The following PDE4D variants were observed in gnomAD, a reference collection of about 807,000 sequenced individuals.
PDE4D encodes phosphodiesterase 4D.
In PDE4D, 24 loss-of-function variants were observed where a neutral mutation model predicts 87.4. The ratio of observed to expected loss-of-function variants is 0.27; its 90% confidence interval spans 0.20 to 0.39. The LOEUF (loss-of-function observed/expected upper bound fraction) is 0.39. Among genes scored for constraint, PDE4D ranks in the 10% least tolerant of loss-of-function variants. PDE4D has a pLI of 1.00. For synonymous variants in PDE4D, 384 were observed against 383.2 expected (o/e 1.00, Z -0.02); for missense variants, 714 against 1,041.0 (o/e 0.69, Z 4.32).
intron 1 of PDE4D, among the ~76,000 whole-genome samples, chr5:59,758,050 A>G (rs1761501929): frequency 6.6e-6 from 1 of 152,186 alleles, no homozygotes. Flanking sequence ...TTCAATACAC[A>G]TGCAGGGTAG....
chr5:59,387,900 C>A (rs570175305), intron 1 of PDE4D, among the ~76,000 whole-genome samples: 1 of 152,146 alleles, frequency 6.6e-6, no homozygotes, highest in South Asian at 2.1e-4. Context: ...CTTATTCCTC[C>A]TGTTTAACTG....
At chr5:59,936,758 G>A (rs1756627069) in intron 3 of PDE4D, among the ~76,000 whole-genome samples, 1 of 152,166 alleles carries the variant, frequency 6.6e-6, no homozygotes, top group South Asian at 2.1e-4. Flanking sequence ...CTTAGAATCT[G>A]TAATGTAACA....
intron 1 of PDE4D, among the ~76,000 whole-genome samples, chr5:59,312,635 T>A (rs1772922340): frequency 2.0e-5 from 3 of 152,142 alleles, no homozygotes. Flanking sequence ...GAGGGACTAG[T>A]CCTAAAGGAC....
At chr5:59,825,233 A>G (rs1561722461) in intron 1 of PDE4D, among the ~76,000 whole-genome samples, 1 of 152,208 alleles carries the variant, frequency 6.6e-6, no homozygotes, top group East Asian at 1.9e-4. Context: ...AAAATAAAAA[A>G]TATCTTTATT....
At chr5:60,307,994 T>A (rs761717383) in intron 1 of PDE4D, among the ~76,000 whole-genome samples, 1 of 152,134 alleles carries the variant, frequency 6.6e-6, no homozygotes, top group Non-Finnish European at 1.5e-5. Flanking sequence ...TGAGCCGAGA[T>A]AGCACCATTG....
intron 1 of PDE4D, among the ~76,000 whole-genome samples, chr5:59,526,230 ACAATGAGG>A (rs1346860094): frequency 6.6e-6 from 1 of 152,218 alleles, no homozygotes; most frequent in Non-Finnish European, 1.5e-5. Flanking sequence ...AGTGCAAACC[ACAATGAGG>A]CAATGAGGAG....
At chr5:59,802,329 A>C (rs1217576383) in intron 1 of PDE4D, among the ~76,000 whole-genome samples, 6 of 152,056 alleles carry the variant, frequency 3.9e-5, no homozygotes, top group African/African-American at 1.4e-4. Context: ...TGAAGCAGGA[A>C]AGTAATGCCC....
intron 1 of PDE4D, among the ~76,000 whole-genome samples, chr5:59,455,395 G>A (rs1799761765): frequency 6.6e-6 from 1 of 152,220 alleles, no homozygotes; most frequent in African/African-American, 2.4e-5. Flanking sequence ...CCCAAGCTTG[G>A]CAACTTCCAT....
intron 6 of PDE4D, among the ~76,000 whole-genome samples, chr5:59,035,845 A>G (rs1758414699): frequency 6.6e-6 from 1 of 152,208 alleles, no homozygotes; most frequent in African/African-American, 2.4e-5. Flanking sequence ...TCTCAGGCAG[A>G]TTAATGTGCT....
At chr5:59,703,393 T>G (rs1257814538) in intron 1 of PDE4D, among the ~76,000 whole-genome samples, 1 of 152,192 alleles carries the variant, frequency 6.6e-6, no homozygotes, top group Non-Finnish European at 1.5e-5. Context: ...ATAATTAACA[T>G]GTGGTTAGTA....
At chr5:60,406,084 T>C (rs1255407257) in intron 1 of PDE4D, among the ~76,000 whole-genome samples, 2 of 151,942 alleles carry the variant, frequency 1.3e-5, no homozygotes, top group East Asian at 1.9e-4. Flanking sequence ...ATTCTCATCA[T>C]TGGAAAAAAA....
At chr5:59,535,075 G>C (rs1239556703) in intron 1 of PDE4D, among the ~76,000 whole-genome samples, 1 of 117,900 alleles carries the variant, frequency 8.5e-6, no homozygotes, top group African/African-American at 3.4e-5. Flanking sequence ...GTGTGTGTGT[G>C]TGGGGGGGGG....
chr5:58,973,487 T>G lies in PDE4D; in HGVS notation c.*1177A>C, dbSNP rs541604095. The G allele has an allele frequency of 6.5e-6, 1 of 152,744 alleles. No homozygotes were observed. Among genetic ancestry groups the G allele is most frequent in the East Asian group, 1.9e-4 (1 of 5,188 alleles). The allele number at this position is 152,744 out of a possible 1,614,324, so 9.5% of individuals were successfully genotyped here. A position where few individuals can be genotyped will look rare whatever the true frequency, so the allele number is the denominator to read the frequency against. ...TTAGAGCATGAAATGTGTGGATTAT[T>G]AGAAAGACATGCACTTGTGAAATGA... On this transcript the variant is annotated 3_prime_UTR_variant, in exon 15 of 15. Transcript: ENST00000340635.
At chr5:59,965,769 G>GT (rs1759974502) in intron 3 of PDE4D, among the ~76,000 whole-genome samples, 1 of 152,116 alleles carries the variant, frequency 6.6e-6, no homozygotes, top group African/African-American at 2.4e-5. Context: ...GCTTGGCAAA[G>GT]TTTTTCTGTA....
intron 2 of PDE4D, among the ~76,000 whole-genome samples, chr5:60,152,927 G>T (rs1236489368): frequency 6.6e-6 from 1 of 152,050 alleles, no homozygotes; most frequent in East Asian, 1.9e-4. Context: ...TTTCATTTGT[G>T]ATTTTATTTA....
At chr5:59,834,438 A>G (rs1741701717) in intron 1 of PDE4D, among the ~76,000 whole-genome samples, 1 of 152,078 alleles carries the variant, frequency 6.6e-6, no homozygotes, top group Non-Finnish European at 1.5e-5. Context: ...ACATTAGCAA[A>G]AGATTTAAAA....
intron 11 of PDE4D, among the ~76,000 whole-genome samples, chr5:58,985,130 G>A (rs1746110179): frequency 6.6e-6 from 1 of 152,020 alleles, no homozygotes; most frequent in Admixed American, 6.6e-5. Flanking sequence ...GGCCAGGCTG[G>A]TCTCCGAACT....
intron 1 of PDE4D, among the ~76,000 whole-genome samples, chr5:60,343,350 G>A (rs1283377241): frequency 6.6e-6 from 1 of 152,152 alleles, no homozygotes; most frequent in Non-Finnish European, 1.5e-5. Flanking sequence ...GCAGGGCCCG[G>A]AAAAGGGCTG....
At position 59,367,688 on chromosome 5, in the gene PDE4D, T is replaced by C. The variant is rs79338328; in HGVS notation, c.456-151720A>G. Among the ~76,000 whole-genome samples, 3 of 152,350 alleles carry C rather than the reference T, an allele frequency of 2.0e-5. No individual in the cohort carries two copies. The East Asian group carries it at 5.8e-4, about 29-fold the overall frequency. On this transcript the variant is annotated intron_variant, in intron 1 of 14. Coordinates refer to ENST00000340635, the MANE Select transcript of PDE4D (RefSeq NM_001104631.2). ...TCATTTAACACCTATGATGGTATTA[T>C]TTAAAATCAAATCATTAATAGAATC...
Sources: gnomAD v4.1 joint callset for allele counts (sites outside exome capture counted in the v4.1 genomes callset) on GRCh38, gnomAD v4.1.1 for gene constraint, MANE v1.5 for transcripts, NCBI Gene and HGNC (gene_info 2026-07-23, HGNC 2026-07-21) for gene names.